Variants in DPH6 observed in about 807,000 individuals in gnomAD.
The protein encoded by DPH6 is diphthine--ammonia ligase.
A neutral mutation model predicts 38.2 loss-of-function variants in DPH6; 33 were observed. The observed-to-expected ratio is 0.86, with a 90% confidence interval of 0.65 to 1.15. The LOEUF is 1.15. Among genes scored for constraint, DPH6 ranks in the 50% most tolerant of loss-of-function variants. DPH6 has a pLI of 0.00. For missense variants in DPH6, 325 were observed against 320.0 expected, an observed-to-expected ratio of 1.02 and a Z score of -0.12; for synonymous variants, 108 against 103.0, an observed-to-expected ratio of 1.05 and a Z score of -0.30.
At chr15:35,446,939 G>A (rs200768996) in intron 5 of DPH6, among the ~76,000 whole-genome samples, 1 of 151,718 alleles carries the variant, frequency 6.6e-6, no homozygotes, top group East Asian at 1.9e-4. Context: ...CGTGATCTCG[G>A]CTCATTGCAA....
chr15:35,365,450 C>G (rs377484180), intron 3 of DPH6, among the ~76,000 whole-genome samples: 1 of 152,032 alleles, frequency 6.6e-6, no homozygotes. Flanking sequence ...TCTTTTATTA[C>G]AAATCACCAA....
At chr15:35,454,636 G>T in intron 4 of DPH6, 111 bp downstream of exon 4, 1 of 842,172 alleles carries the variant, frequency 1.2e-6, no homozygotes, top group Non-Finnish European at 1.8e-6. Context: ...GTTCCATGGA[G>T]CACGTAGACT....
chr15:35,216,653 T>C (rs1386800793), downstream of DPH6, among the ~76,000 whole-genome samples: 2 of 152,210 alleles, frequency 1.3e-5, no homozygotes, highest in African/African-American at 2.4e-5. Flanking sequence ...CAAGTGCCTA[T>C]ATGTGCTGAG....
intron 5 of DPH6, among the ~76,000 whole-genome samples, chr15:35,423,205 A>T (rs1480113683): frequency 6.6e-6 from 1 of 151,602 alleles, no homozygotes; most frequent in African/African-American, 2.4e-5. Context: ...CCTTTTCTCC[A>T]ACACTTATCT....
At position 35,354,205 on chromosome 15, in the gene DPH6, A is replaced by G. The variant is rs148876635; in HGVS notation, n.207+19316T>C. ...GCTGACACGATGGGGCTTCCTAGAG[A>G]TACAATCTTGTCATCTGCAAACAGG... On this transcript the variant is annotated intron_variant and non_coding_transcript_variant, in intron 3 of 3. Transcript: ENST00000558973. Among the ~76,000 whole-genome samples the G allele has an allele frequency of 2.9e-3, 449 of 152,290 alleles. 1 individual carries two copies. The highest frequency in any genetic ancestry group is 9.9e-3 in the African/African-American group (413 of 41,554).
chr15:35,450,371 C>A (rs1466542592), intron 5 of DPH6, among the ~76,000 whole-genome samples: 1 of 148,612 alleles, frequency 6.7e-6, no homozygotes, highest in East Asian at 2.0e-4. Context: ...CTGTTTCCTA[C>A]AAGCCTAAAT....
At chr15:35,545,466 T>C (rs2055332503) in intron 1 of DPH6, among the ~76,000 whole-genome samples, 1 of 152,240 alleles carries the variant, frequency 6.6e-6, no homozygotes, top group Admixed American at 6.5e-5. Flanking sequence ...CAACTGGATC[T>C]AGCATAAGAC....
chr15:35,246,216 A>G (rs1399863664), intron 3 of DPH6, among the ~76,000 whole-genome samples: 2 of 152,192 alleles, frequency 1.3e-5, no homozygotes, highest in Non-Finnish European at 2.9e-5. Context: ...TACTGCTCAC[A>G]CAAAGCGTGT....
chr15:35,397,881 A>ACG (rs1566895116), intron 6 of DPH6, among the ~76,000 whole-genome samples: 3 of 150,506 alleles, frequency 2.0e-5, no homozygotes, highest in Non-Finnish European at 4.4e-5. Context: ...ACACACACAC[A>ACG]CACACACACA....
chr15:35,258,782 C>T (rs892264425), intron 3 of DPH6, among the ~76,000 whole-genome samples: 4 of 152,072 alleles, frequency 2.6e-5, no homozygotes, highest in South Asian at 2.1e-4. Flanking sequence ...TCTTTCATTT[C>T]CTCAATCCTT....
intron 3 of DPH6, among the ~76,000 whole-genome samples, chr15:35,496,563 AAAAAAT>A (rs1405398407): frequency 6.2e-5 from 1 of 16,016 alleles, no homozygotes; most frequent in South Asian, 4.5e-3. Context: ...CTCAAAAAAA[AAAAAAT>A]ATATATATAT....
intron 3 of DPH6, among the ~76,000 whole-genome samples, chr15:35,535,157 A>C (rs2055150347): frequency 6.6e-6 from 1 of 152,172 alleles, no homozygotes; most frequent in Non-Finnish European, 1.5e-5. Context: ...ATACAGCATT[A>C]CTGTGACATT....
At chr15:35,320,743 T>C (rs958554960) in intron 3 of DPH6, among the ~76,000 whole-genome samples, 11 of 152,202 alleles carry the variant, frequency 7.2e-5, no homozygotes, top group African/African-American at 2.7e-4. Context: ...CTTTTATACG[T>C]TCCAAAAACT....
At chr15:35,155,346 T>C in the DPH6 span, among the ~76,000 whole-genome samples, 1 of 152,216 alleles carries the variant, frequency 6.6e-6, no homozygotes, top group Non-Finnish European at 1.5e-5. Flanking sequence ...AATTACATTA[T>C]CTCATTTGAT....
intron 3 of DPH6, among the ~76,000 whole-genome samples, chr15:35,340,007 G>A (rs1484643419): frequency 6.6e-6 from 1 of 152,102 alleles, no homozygotes; most frequent in African/African-American, 2.4e-5. Flanking sequence ...ATTATTGTGT[G>A]GGAGTCTGTC....
chr15:35,348,215 A>C (rs997724711), intron 3 of DPH6, among the ~76,000 whole-genome samples: 1 of 152,166 alleles, frequency 6.6e-6, no homozygotes, highest in Non-Finnish European at 1.5e-5. Context: ...TGTCCAGTAA[A>C]ACACAGCCAA....
At chr15:35,366,961 G>C (rs1419589944), downstream of DPH6, among the ~76,000 whole-genome samples, 1 of 151,844 alleles carries the variant, frequency 6.6e-6, no homozygotes. Context: ...GGATTGAAGA[G>C]AAAAATAAAA....
chr15:35,157,787 T>C, the DPH6 span, among the ~76,000 whole-genome samples: 1 of 152,110 alleles, frequency 6.6e-6, no homozygotes, highest in Non-Finnish European at 1.5e-5. Flanking sequence ...AATTGGACAA[T>C]GAAGAAAGGA....
chr15:35,261,505 C>T (rs917424146), intron 3 of DPH6, among the ~76,000 whole-genome samples: 1 of 151,540 alleles, frequency 6.6e-6, no homozygotes, highest in Non-Finnish European at 1.5e-5. Context: ...GTTGATGTCT[C>T]ATGATGGAGT....
Sources: gnomAD v4.1 joint callset for allele counts (sites outside exome capture counted in the v4.1 genomes callset) on GRCh38, gnomAD v4.1.1 for gene constraint, MANE v1.5 for transcripts, NCBI Gene and HGNC (gene_info 2026-07-23, HGNC 2026-07-21) for gene names.